The following HCN1 variants were observed in gnomAD, a reference collection of about 807,000 sequenced individuals.
HCN1 encodes potassium/sodium hyperpolarization-activated cyclic nucleotide-gated channel 1.
Under a neutral mutation model 78.9 loss-of-function variants are expected in HCN1, and 13 were observed. The observed-to-expected ratio is 0.16, with a 90% confidence interval of 0.11 to 0.26. The LOEUF (loss-of-function observed/expected upper bound fraction) is 0.26, where lower values mean the gene tolerates loss of function less well. Ranked by LOEUF, HCN1 falls within the 10% of genes least tolerant of loss-of-function variation. HCN1 has a pLI of 1.00. For missense variants in HCN1, 810 were observed against 1,154.3 expected (o/e 0.70, Z 4.32); for synonymous variants, 552 against 455.5 (o/e 1.21, Z -2.70).
intron 5 of HCN1, among the ~76,000 whole-genome samples, chr5:45,316,617 T>A (rs546690778): frequency 2.0e-5 from 3 of 152,114 alleles, no homozygotes; most frequent in Admixed American, 6.5e-5. Flanking sequence ...AAAGAGGAAG[T>A]CAAATTGTCC....
At chr5:45,562,980 A>C (rs947692654) in intron 2 of HCN1, among the ~76,000 whole-genome samples, 1 of 152,244 alleles carries the variant, frequency 6.6e-6, no homozygotes, top group Non-Finnish European at 1.5e-5. Flanking sequence ...CCTGAATTGG[A>C]GAATTCTGTA....
At chr5:45,582,316 CTGTT>C (rs1239322106) in intron 2 of HCN1, among the ~76,000 whole-genome samples, 11 of 152,010 alleles carry the variant, frequency 7.2e-5, no homozygotes, top group African/African-American at 1.7e-4. Flanking sequence ...ATTTGGCTCT[CTGTT>C]TGTCTGTTGT....
rs190646570 is a variant in HCN1 at position 45,363,978 on chromosome 5, C to A, written c.1231-10732G>T. Among the ~76,000 whole-genome samples the A allele has an allele frequency of 7.9e-5, 12 of 152,136 alleles. No individual in the cohort carries two copies. The East Asian group carries it at 2.1e-3, about 27-fold the overall frequency. On this transcript the variant is annotated intron_variant, in intron 4 of 7. Transcript: ENST00000303230. The stretch of plus-strand genomic sequence containing the variant: ...TTTCCTAATCCTGATTCTTAAAGTT[C>A]TTCCTCAGTAAATTACCCACCCCAA...
chr5:45,266,991 G>A (rs1744871773), intron 7 of HCN1, 98 bp downstream of exon 7: 8 of 1,026,462 alleles, frequency 7.8e-6, no homozygotes, highest in African/African-American at 1.6e-5. Flanking sequence ...TTACAGGCAT[G>A]AGTCACCACT....
At chr5:45,509,862 C>T (rs1742376442) in intron 2 of HCN1, among the ~76,000 whole-genome samples, 1 of 152,020 alleles carries the variant, frequency 6.6e-6, no homozygotes, top group Non-Finnish European at 1.5e-5. Flanking sequence ...ACCATCCAGG[C>T]CATACAGCAA....
intron 4 of HCN1, among the ~76,000 whole-genome samples, chr5:45,372,636 T>A (rs1257693821): frequency 2.7e-5 from 3 of 112,978 alleles, no homozygotes; most frequent in African/African-American, 1.3e-4. Context: ...TATAAAACAT[T>A]TTATATAAAA....
chr5:45,588,337 T>C (rs903054012), intron 2 of HCN1, among the ~76,000 whole-genome samples: 1 of 152,280 alleles, frequency 6.6e-6, no homozygotes, highest in Admixed American at 6.5e-5. Flanking sequence ...AACAGTTATG[T>C]TGCATTGGCC....
intron 1 of HCN1, among the ~76,000 whole-genome samples, chr5:45,689,612 G>C (rs990806578): frequency 6.6e-6 from 1 of 152,056 alleles, no homozygotes; most frequent in African/African-American, 2.4e-5. Flanking sequence ...TTGCAGGAGA[G>C]AACTCAGGTT....
chr5:45,525,716 T>C (rs1742724151), intron 2 of HCN1, among the ~76,000 whole-genome samples: 1 of 152,030 alleles, frequency 6.6e-6, no homozygotes, highest in African/African-American at 2.4e-5. Flanking sequence ...GTCTACAGAA[T>C]TAGTCACCTA....
chr5:45,339,172 T>C (rs1487645098), intron 5 of HCN1, among the ~76,000 whole-genome samples: 1 of 152,138 alleles, frequency 6.6e-6, no homozygotes, highest in East Asian at 1.9e-4. Context: ...TCAGTAAATA[T>C]TTCATGACTT....
intron 1 of HCN1, among the ~76,000 whole-genome samples, chr5:45,655,240 A>G (rs911397585): frequency 6.6e-6 from 1 of 152,150 alleles, no homozygotes; most frequent in Non-Finnish European, 1.5e-5. Context: ...AATGTTAAAT[A>G]AAGTATTAAC....
chr5:45,358,607 C>A (rs1747050361), intron 4 of HCN1, among the ~76,000 whole-genome samples: 1 of 152,050 alleles, frequency 6.6e-6, no homozygotes, highest in African/African-American at 2.4e-5. Flanking sequence ...ACAGAGACAT[C>A]TTTTTAAAAT....
At chr5:45,303,337 C>A (rs1485856616) in intron 6 of HCN1, among the ~76,000 whole-genome samples, 1 of 152,132 alleles carries the variant, frequency 6.6e-6, no homozygotes, top group Non-Finnish European at 1.5e-5. Flanking sequence ...CCAAATTATA[C>A]TTTCCATTTG....
At chr5:45,451,506 G>A (rs1028824065) in intron 3 of HCN1, among the ~76,000 whole-genome samples, 3 of 151,810 alleles carry the variant, frequency 2.0e-5, no homozygotes, top group Admixed American at 1.3e-4. Flanking sequence ...TAACTCAGTC[G>A]AGGACAGAAT....
At chr5:45,654,553 G>C (rs918775634) in intron 1 of HCN1, among the ~76,000 whole-genome samples, 1 of 152,022 alleles carries the variant, frequency 6.6e-6, no homozygotes, top group African/African-American at 2.4e-5. Flanking sequence ...ATGTATTCTA[G>C]TACCATTCAC....
chr5:45,656,712 G>A (rs770264166), intron 1 of HCN1, among the ~76,000 whole-genome samples: 26 of 152,238 alleles, frequency 1.7e-4, no homozygotes, highest in Non-Finnish European at 3.2e-4. Context: ...CATGATCAAA[G>A]ACAGCCAAGA....
At chr5:45,655,409 A>T (rs1745745933) in intron 1 of HCN1, among the ~76,000 whole-genome samples, 1 of 152,120 alleles carries the variant, frequency 6.6e-6, no homozygotes, top group Admixed American at 6.6e-5. Flanking sequence ...TAATCAGAAA[A>T]TTATACAAAT....
intron 2 of HCN1, among the ~76,000 whole-genome samples, chr5:45,534,121 T>C (rs1432260003): frequency 1.3e-5 from 2 of 151,696 alleles, no homozygotes; most frequent in Non-Finnish European, 2.9e-5. Flanking sequence ...TTGAGCCGGG[T>C]ATGGTGGCTC....
chr5:45,668,202 T>G (rs1215496972), intron 1 of HCN1, among the ~76,000 whole-genome samples: 1 of 151,940 alleles, frequency 6.6e-6, no homozygotes, highest in African/African-American at 2.4e-5. Flanking sequence ...TCAAAATAGA[T>G]AGCTACTGAT....
Sources: allele counts gnomAD v4.1 joint callset (sites outside exome capture counted in the v4.1 genomes callset), GRCh38; gene constraint gnomAD v4.1.1; transcripts MANE v1.5; gene names NCBI Gene and HGNC (gene_info 2026-07-23, HGNC 2026-07-21).